The following CCNK variants were observed in gnomAD, a reference collection of about 807,000 sequenced individuals.
The protein encoded by CCNK is cyclin K.
CCNK carries 9 observed loss-of-function variants against 65.0 expected under a neutral mutation model. That is an observed-to-expected ratio of 0.14 (90% CI 0.08 to 0.24). The LOEUF (loss-of-function observed/expected upper bound fraction) is 0.24. Ranked by LOEUF, CCNK falls within the 10% of genes least tolerant of loss-of-function variation. The pLI is 1.00. For missense variants in CCNK, 474 were observed against 720.0 expected, an observed-to-expected ratio of 0.66 and a Z score of 3.91; for synonymous variants, 279 against 270.8, an observed-to-expected ratio of 1.03 and a Z score of -0.30.
intron 1 of CCNK, among the ~76,000 whole-genome samples, chr14:99,482,093 G>A (rs546843272): frequency 9.2e-5 from 14 of 152,350 alleles, no homozygotes; most frequent in African/African-American, 3.4e-4. Flanking sequence ...AAGTCTAGAG[G>A]TTATGTGACA....
intron 3 of CCNK, among the ~76,000 whole-genome samples, 194 bp downstream of exon 3, chr14:99,493,789 T>G (rs1896643651): frequency 6.6e-6 from 1 of 152,214 alleles, no homozygotes; most frequent in Non-Finnish European, 1.5e-5. Flanking sequence ...TCTTTTCACT[T>G]AGGCCAATAT....
At chr14:99,492,948 G>A (rs967050961) in intron 2 of CCNK, 74 bp downstream of exon 2, 45 of 1,216,328 alleles carry the variant, frequency 3.7e-5, no homozygotes, top group Non-Finnish European at 4.8e-5. Flanking sequence ...AGATTCTGTA[G>A]ACAAAATATA....
rs779486624 is a variant in CCNK, at chr14:99,510,160, G to C, written c.1121G>C (p.Arg374Pro). 6 of 1,595,708 alleles carry C rather than the reference G, an allele frequency of 3.8e-6. No homozygotes were observed. The highest frequency in any genetic ancestry group is 5.1e-6 in the Non-Finnish European group (6 of 1,174,750). Residue 374 changes from arginine to proline, a missense_variant, in exon 11 of 11, where the codon CGG (arginine) becomes CCG (proline). By Grantham distance (103) the Arg-to-Pro change is moderately radical. Transcript: ENST00000389879. ...PLPPAHPPPD[R>P]KPPLAAALGE... is the part of the protein sequence containing the mutation. Reference sequence around the variant, plus strand: ...CTGATGCGTCTCTCTCCTGCAGACCGGAAGCCTCCCCTCGCTGCTGCCTTA... The same window carrying C: ...CTGATGCGTCTCTCTCCTGCAGACCCGAAGCCTCCCCTCGCTGCTGCCTTA...
chr14:99,481,474 C>T lies in CCNK; in HGVS notation c.-58C>T. 1 of 398,690 alleles carries T rather than the reference C, an allele frequency of 2.5e-6. No homozygotes were observed. Among genetic ancestry groups the T allele is most frequent in the Non-Finnish European group, 4.4e-6 (1 of 226,102 alleles). 24.7% of individuals were successfully genotyped at this position (398,690 alleles called of 1,614,324 possible). On this transcript the variant is annotated 5_prime_UTR_variant, in exon 1 of 11. Transcript: ENST00000389879. ...ACGTCGCTGAGGGGCTTGCCTGAAGCGAGGGGTGAGTGACCCACCGACTGA... is the reference window on the plus strand; with the variant it reads ...ACGTCGCTGAGGGGCTTGCCTGAAGTGAGGGGTGAGTGACCCACCGACTGA...
Position 99,493,502 on chromosome 14 carries a change from C to A in CCNK, c.198-12C>A. On this transcript the variant is annotated splice_polypyrimidine_tract_variant and intron_variant, in intron 2 of 10. Transcript: ENST00000389879. Reference sequence around the variant, plus strand: ...AAAAGTTATTGGTTAGAGTCCTTAACCAGAACAACAGACACTATGATACCC... The same window carrying A: ...AAAAGTTATTGGTTAGAGTCCTTAAACAGAACAACAGACACTATGATACCC... 2 of 1,592,016 alleles carry A rather than the reference C, an allele frequency of 1.3e-6. No homozygotes were observed. Among genetic ancestry groups the A allele is most frequent in the Non-Finnish European group, 1.7e-6 (2 of 1,164,302 alleles).
In CCNK at chr14:99,495,397, G is replaced by A. The variant is rs555550954; in HGVS notation, c.280-101G>A. The A allele has an allele frequency of 1.0e-4, 100 of 985,810 alleles. No homozygotes were observed. In the Admixed American group the frequency reaches 1.4e-3, roughly 14 times the overall value. 61.1% of individuals were successfully genotyped at this position (985,810 alleles called of 1,614,324 possible). ...TGTGAATGATAAAAAGAAAGGTAGG[G>A]GAATGAGGAAGACCAGTTTATTACG... On this transcript the variant is annotated intron_variant, in intron 3 of 10. Transcript: ENST00000389879.
At chr14:99,495,704 A>G in intron 4 of CCNK, 75 bp downstream of exon 4, 1 of 1,338,194 alleles carries the variant, frequency 7.5e-7, no homozygotes, top group Admixed American at 2.5e-5. Context: ...ACATGTTGAC[A>G]GTGCCTGTAG....
At chr14:99,487,420 A>AC (rs763133430) in intron 1 of CCNK, among the ~76,000 whole-genome samples, 1 of 151,876 alleles carries the variant, frequency 6.6e-6, no homozygotes, top group Non-Finnish European at 1.5e-5. Flanking sequence ...GCCAGTGGCA[A>AC]CCCCCCAGTT....
At chr14:99,509,826 C>T (rs1897074658) in intron 10 of CCNK, 1 of 384,742 alleles carries the variant, frequency 2.6e-6, no homozygotes, top group Admixed American at 4.2e-5. Flanking sequence ...AACAGAGGAG[C>T]CCCCACACGT....
intron 10 of CCNK, chr14:99,507,425 T>C (rs1015575364): frequency 4.6e-6 from 2 of 431,162 alleles, no homozygotes; most frequent in Non-Finnish European, 8.7e-6. Context: ...ATTAGCCAGG[T>C]GTGGTAGCAC....
intron 9 of CCNK, chr14:99,506,701 T>G (rs1352747144): frequency 4.0e-6 from 1 of 247,618 alleles, no homozygotes; most frequent in African/African-American, 2.3e-5. Context: ...ATGTTGCTAC[T>G]CTGGACCCTT....
intron 1 of CCNK, chr14:99,491,889 G>C (rs1896604558): frequency 6.6e-6 from 1 of 152,176 alleles, no homozygotes; most frequent in Non-Finnish European, 1.5e-5. Context: ...TTCTAACAGT[G>C]GTCTCTAGAT....
At chr14:99,502,057 G>A (rs1896843112) in intron 6 of CCNK, 150 bp from the exon 7 acceptor site, 5 of 837,816 alleles carry the variant, frequency 6.0e-6, no homozygotes, top group Non-Finnish European at 8.4e-6. Flanking sequence ...CTTTAGAAGA[G>A]TAAAGACTTG....
intron 8 of CCNK, chr14:99,503,250 G>A (rs755939080): frequency 1.2e-5 from 8 of 645,664 alleles, no homozygotes; most frequent in South Asian, 1.7e-5. Flanking sequence ...GAAGCCTGTC[G>A]GTGTCGTTGC....
chr14:99,488,790 T>G (rs1419312646), intron 1 of CCNK, among the ~76,000 whole-genome samples: 3 of 152,298 alleles, frequency 2.0e-5, no homozygotes, highest in South Asian at 4.1e-4. Flanking sequence ...CTATATGTAT[T>G]AATATTATGG....
At chr14:99,491,346 C>T (rs1403985604) in intron 1 of CCNK, among the ~76,000 whole-genome samples, 1 of 152,170 alleles carries the variant, frequency 6.6e-6, no homozygotes, top group African/African-American at 2.4e-5. Flanking sequence ...ATTTTGTACT[C>T]CCACCAGAAG....
chr14:99,486,552 CA>C lies in CCNK; in HGVS notation c.-53+5077del, dbSNP rs1385980008. Among the ~76,000 whole-genome samples the C allele has an allele frequency of 1.4e-4, 21 of 152,320 alleles. 1 individual carries two copies. The highest frequency in any genetic ancestry group is 6.8e-3 in the Middle Eastern group (2 of 294). On this transcript the variant is annotated intron_variant, in intron 1 of 10. Transcript: ENST00000389879. The stretch of plus-strand genomic sequence containing the variant: ...TTTATCTGTCTGATAGATATTTCCA[CA>C]AAAGGATCTTAAAGTTCTTCAAGCT...
intron 9 of CCNK, 134 bp downstream of exon 9, chr14:99,503,778 C>T (rs1896902456): frequency 4.3e-6 from 3 of 703,684 alleles, no homozygotes; most frequent in African/African-American, 1.8e-5. Context: ...AAAACTTTTC[C>T]ATCAGCATTG....
Position 99,503,783 on chromosome 14 carries a change from GCATTGTCTTTCTGTT to G in CCNK, c.1045+143_1045+157del, listed in dbSNP as rs919077781. ...GAGCTCATACAAAACTTTTCCATCA[GCATTGTCTTTCTGTT>G]CATCACCTGATCATAGATTCTAAAA... is the stretch of plus-strand genomic sequence containing the variant. On this transcript the variant is annotated intron_variant, in intron 9 of 10. Transcript: ENST00000389879. 21 of 683,522 alleles carry G rather than the reference GCATTGTCTTTCTGTT, an allele frequency of 3.1e-5. No individual in the cohort carries two copies. The East Asian group carries it at 5.8e-4, about 19-fold the overall frequency. The allele number at this position is 683,522 out of a possible 1,614,324, so 42.3% of individuals were successfully genotyped here. A position where few individuals can be genotyped will look rare whatever the true frequency, so the allele number is the denominator to read the frequency against.
Sources: gnomAD v4.1 joint callset for allele counts (sites outside exome capture counted in the v4.1 genomes callset) on GRCh38, gnomAD v4.1.1 for gene constraint, MANE v1.5 for transcripts, NCBI Gene and HGNC (gene_info 2026-07-23, HGNC 2026-07-21) for gene names.